Variants in TAS2R1 observed in about 807,000 individuals in gnomAD.
The protein encoded by TAS2R1 is taste receptor type 2 member 1.
For missense variants in TAS2R1, 370 were observed against 353.4 expected (o/e 1.05, Z -0.38); for synonymous variants, 141 against 134.2 (o/e 1.05, Z -0.35).
chr5:9,668,626 T>C (rs142695126), intron 1 of TAS2R1, among the ~76,000 whole-genome samples: 1 of 152,254 alleles, frequency 6.6e-6, no homozygotes, highest in Non-Finnish European at 1.5e-5. Flanking sequence ...TAAAGGAGAA[T>C]AATTTCAACC....
At chr5:9,856,671 A>C in the TAS2R1 span, among the ~76,000 whole-genome samples, 1 of 152,324 alleles carries the variant, frequency 6.6e-6, no homozygotes, top group East Asian at 1.9e-4. Flanking sequence ...TTGTCTATTG[A>C]CCTTCAAAAT....
At chr5:9,865,079 G>T in the TAS2R1 span, among the ~76,000 whole-genome samples, 21 of 152,324 alleles carry the variant, frequency 1.4e-4, no homozygotes, top group Middle Eastern at 3.4e-3. Context: ...AGAGATAAGT[G>T]ATTATGGAGG....
At chr5:9,825,650 C>G in the TAS2R1 span, among the ~76,000 whole-genome samples, 6 of 152,186 alleles carry the variant, frequency 3.9e-5, no homozygotes, top group Admixed American at 6.5e-5. Flanking sequence ...AATTAGAGTA[C>G]ATGGAATTGC....
At chr5:9,894,540 AAAAACC>A in the TAS2R1 span, among the ~76,000 whole-genome samples, 1 of 152,194 alleles carries the variant, frequency 6.6e-6, no homozygotes, top group Non-Finnish European at 1.5e-5. Flanking sequence ...AGGCCTCAGA[AAAAACC>A]AAACCTGCAG....
the TAS2R1 span, among the ~76,000 whole-genome samples, chr5:9,784,192 T>C: frequency 6.6e-6 from 1 of 152,216 alleles, no homozygotes; most frequent in African/African-American, 2.4e-5. Context: ...GGAATATCTA[T>C]CTAACCAGGC....
chr5:9,860,097 A>G, the TAS2R1 span, among the ~76,000 whole-genome samples: 1 of 152,142 alleles, frequency 6.6e-6, no homozygotes, highest in Non-Finnish European at 1.5e-5. Context: ...CAATAAGGGG[A>G]AGAAGGAGGG....
chr5:9,844,032 C>G, the TAS2R1 span, among the ~76,000 whole-genome samples: 1 of 152,134 alleles, frequency 6.6e-6, no homozygotes, highest in East Asian at 1.9e-4. Context: ...ATTTCTTGCT[C>G]TAGTATATTA....
chr5:9,790,218 T>C, the TAS2R1 span, among the ~76,000 whole-genome samples: 1 of 152,234 alleles, frequency 6.6e-6, no homozygotes, highest in African/African-American at 2.4e-5. Context: ...AAATAGAGAA[T>C]GTGGTTATTC....
chr5:9,729,749 C>T, the TAS2R1 span, among the ~76,000 whole-genome samples: 17 of 152,254 alleles, frequency 1.1e-4, no homozygotes, highest in South Asian at 2.1e-4. Flanking sequence ...TCATCCTCAA[C>T]GACTTAATTG....
upstream of TAS2R1, among the ~76,000 whole-genome samples, chr5:9,635,129 A>G (rs573764098): frequency 7.2e-5 from 11 of 151,974 alleles, no homozygotes; most frequent in African/African-American, 2.4e-4. Flanking sequence ...CTTCTATGCC[A>G]GTGTTGCTAA....
At chr5:9,739,584 T>G in the TAS2R1 span, among the ~76,000 whole-genome samples, 5 of 152,344 alleles carry the variant, frequency 3.3e-5, no homozygotes, top group East Asian at 9.6e-4. Flanking sequence ...TTATTACATC[T>G]TAGTTGCTTA....
At chr5:9,887,497 C>T in the TAS2R1 span, among the ~76,000 whole-genome samples, 1 of 152,198 alleles carries the variant, frequency 6.6e-6, no homozygotes, top group African/African-American at 2.4e-5. Context: ...ACACCTTAGT[C>T]CCTTCACTAT....
At chr5:9,827,132 C>A in the TAS2R1 span, among the ~76,000 whole-genome samples, 1 of 152,196 alleles carries the variant, frequency 6.6e-6, no homozygotes, top group African/African-American at 2.4e-5. Flanking sequence ...CAGGCACCAG[C>A]TTGAGTTCAT....
intron 1 of TAS2R1, among the ~76,000 whole-genome samples, chr5:9,684,377 G>T (rs764958161): frequency 2.0e-5 from 3 of 152,186 alleles, no homozygotes; most frequent in Non-Finnish European, 2.9e-5. Flanking sequence ...TAGAATTGTG[G>T]TTATTAGAGG....
At chr5:9,898,054 C>T in the TAS2R1 span, among the ~76,000 whole-genome samples, 5 of 152,280 alleles carry the variant, frequency 3.3e-5, no homozygotes, top group East Asian at 1.9e-4. Flanking sequence ...CTGTTCCCAA[C>T]GCATCCTTGT....
chr5:9,767,811 A>T, the TAS2R1 span, among the ~76,000 whole-genome samples: 4 of 151,442 alleles, frequency 2.6e-5, no homozygotes, highest in African/African-American at 4.9e-5. Flanking sequence ...GTAGTCCCAG[A>T]TACTTGGGAA....
intron 1 of TAS2R1, among the ~76,000 whole-genome samples, chr5:9,687,717 C>T (rs1741156490): frequency 6.6e-6 from 1 of 152,200 alleles, no homozygotes; most frequent in Non-Finnish European, 1.5e-5. Flanking sequence ...CCATTTTCTG[C>T]TCCGCGGGCC....
the TAS2R1 span, among the ~76,000 whole-genome samples, chr5:9,771,458 A>T: frequency 1.3e-5 from 2 of 152,126 alleles, no homozygotes; most frequent in African/African-American, 2.4e-5. Context: ...TTTCATGGGA[A>T]TATTGGTCTG....
At chr5:9,838,010 G>T in the TAS2R1 span, among the ~76,000 whole-genome samples, 39,699 of 152,048 alleles carry the variant, frequency 0.26, 6,492 homozygotes, top group Non-Finnish European at 0.37. Context: ...TCCTCAGTTG[G>T]ATCACATCAC....
Sources: gnomAD v4.1 joint callset for allele counts (sites outside exome capture counted in the v4.1 genomes callset) on GRCh38, gnomAD v4.1.1 for gene constraint, MANE v1.5 for transcripts, NCBI Gene and HGNC (gene_info 2026-07-23, HGNC 2026-07-21) for gene names.